GALNT13: variants seen among roughly 807,000 people sequenced by gnomAD.
The protein encoded by GALNT13 is polypeptide N-acetylgalactosaminyltransferase 13.
GALNT13 carries 28 observed loss-of-function variants against 64.2 expected under a neutral mutation model. That is an observed-to-expected ratio of 0.44 (90% CI 0.32 to 0.60). The LOEUF is 0.60. Among genes scored for constraint, GALNT13 ranks in the 20% least tolerant of loss-of-function variants. GALNT13 has a pLI of 0.05. For synonymous variants in GALNT13, 214 were observed against 224.6 expected (o/e 0.95, Z 0.42); for missense variants, 577 against 669.8 (o/e 0.86, Z 1.53).
rs1698196704 is a variant in GALNT13 at position 154,380,108 on chromosome 2, T to C, written c.1157-15883T>C. 2.6e-5 allele frequency among the ~76,000 whole-genome samples: 4 copies of C among 152,074 alleles called. No individual in the cohort carries two copies. The South Asian group carries it at 8.3e-4, about 31-fold the overall frequency. On this transcript the variant is annotated intron_variant, in intron 9 of 12. Transcript: ENST00000392825. The stretch of plus-strand genomic sequence containing the variant: ...AGTTTTTATAACTGAACAAAAGGTA[T>C]TTATCAGGTTTTTGACACGAGTTAA...
chr2:153,816,614 T>A, the GALNT13 span, among the ~76,000 whole-genome samples: 7 of 140,718 alleles, frequency 5.0e-5, no homozygotes, highest in Middle Eastern at 3.3e-3. Context: ...GATGGATAGA[T>A]TAGATAGATA....
At chr2:153,640,300 C>T in the GALNT13 span, among the ~76,000 whole-genome samples, 1 of 152,170 alleles carries the variant, frequency 6.6e-6, no homozygotes, top group Non-Finnish European at 1.5e-5. Flanking sequence ...TAATTGACTA[C>T]TCCAAGTGTG....
the GALNT13 span, among the ~76,000 whole-genome samples, chr2:153,566,589 T>C: frequency 6.6e-6 from 1 of 152,112 alleles, no homozygotes; most frequent in African/African-American, 2.4e-5. Flanking sequence ...CTCCTGACCT[T>C]GTGATCCGCC....
chr2:154,177,844 T>A (rs531345334), intron 4 of GALNT13, among the ~76,000 whole-genome samples: 31 of 152,336 alleles, frequency 2.0e-4, no homozygotes, highest in Non-Finnish European at 4.1e-4. Flanking sequence ...TATTTTTGTG[T>A]AATTCTGCAG....
In GALNT13 at chr2:154,450,820, AAATG is replaced by A; in HGVS notation, c.*270_*273del. 3.0e-6 allele frequency: 1 copy of A among 330,960 alleles called. No homozygotes were observed. The highest frequency in any genetic ancestry group is 4.4e-5 in the Admixed American group (1 of 22,706). 20.5% of individuals were successfully genotyped at this position (330,960 alleles called of 1,614,324 possible). On this transcript the variant is annotated 3_prime_UTR_variant, in exon 13 of 13. Transcript: ENST00000392825. ...AAACAAATTGTGTTTGCTTTAAGAA[AAATG>A]TTTATTGCACTCATGTCATAGGGTT...
At chr2:154,052,760 G>A (rs1251171453) in intron 3 of GALNT13, among the ~76,000 whole-genome samples, 3 of 140,522 alleles carry the variant, frequency 2.1e-5, no homozygotes, top group Non-Finnish European at 4.6e-5. Context: ...TTTTTGAGAC[G>A]GAGTCTCGCT....
chr2:153,437,620 T>C, the GALNT13 span, among the ~76,000 whole-genome samples: 4 of 152,214 alleles, frequency 2.6e-5, no homozygotes, highest in African/African-American at 9.6e-5. Context: ...TGGTTTAAAG[T>C]CTGTTTTATC....
At chr2:154,257,769 C>G (rs1240746703) in intron 7 of GALNT13, 1 of 152,126 alleles carries the variant, frequency 6.6e-6, no homozygotes, top group Non-Finnish European at 1.5e-5. Flanking sequence ...TTTCAATGAA[C>G]AATTCTGTTT....
At chr2:153,913,102 G>GTGCATGCCCTCTA (rs1432838382) in intron 2 of GALNT13, among the ~76,000 whole-genome samples, 2 of 152,156 alleles carry the variant, frequency 1.3e-5, no homozygotes, top group African/African-American at 4.8e-5. Flanking sequence ...GCGCAGGACT[G>GTGCATGCCCTCTA]TGCATGCCCT....
In GALNT13 at chr2:154,134,168, A is replaced by G. The variant is rs571766896; in HGVS notation, c.143-6169A>G. Among the ~76,000 whole-genome samples, 14 of 152,332 alleles carry G rather than the reference A, an allele frequency of 9.2e-5. No individual in the cohort carries two copies. In the South Asian group the frequency reaches 2.5e-3, roughly 27 times the overall value. On this transcript the variant is annotated intron_variant, in intron 3 of 12. Coordinates refer to ENST00000392825, the MANE Select transcript of GALNT13 (RefSeq NM_052917.4). ...AGCTATGTGTCCAAGAGGAACAACA[A>G]CTACATTAGTTCAATAGTTAGAATC...
chr2:154,323,332 T>C lies in GALNT13; in HGVS notation c.1156+21743T>C, dbSNP rs577504717. ...AGGAGTAGCAAAGTATTTGTGTCCA[T>C]CTTTAACCTACCACAGTTTTTCCCC... On this transcript the variant is annotated intron_variant, in intron 9 of 12. Transcript: ENST00000392825. Among the ~76,000 whole-genome samples the C allele has an allele frequency of 1.3e-4, 20 of 152,130 alleles. 1 individual carries two copies. In the South Asian group the frequency reaches 3.9e-3, roughly 30 times the overall value.
chr2:153,670,534 C>T, the GALNT13 span, among the ~76,000 whole-genome samples: 1 of 152,178 alleles, frequency 6.6e-6, no homozygotes, highest in Admixed American at 6.5e-5. Context: ...TACACCAAAA[C>T]CCTATCCATA....
chr2:154,043,403 T>C (rs1443463726), intron 3 of GALNT13, among the ~76,000 whole-genome samples: 1 of 34,782 alleles, frequency 2.9e-5, no homozygotes, highest in African/African-American at 1.3e-4. Flanking sequence ...TCAACACTAC[T>C]ATAAGGACTT....
the GALNT13 span, among the ~76,000 whole-genome samples, chr2:153,743,581 A>G: frequency 6.6e-6 from 1 of 152,122 alleles, no homozygotes; most frequent in African/African-American, 2.4e-5. Flanking sequence ...TATGAGGCAC[A>G]TAAGATGTTT....
chr2:153,497,003 A>G, the GALNT13 span, among the ~76,000 whole-genome samples: 9 of 151,604 alleles, frequency 5.9e-5, no homozygotes, highest in Non-Finnish European at 1.3e-4. Flanking sequence ...CAAAAAAAAA[A>G]AAAAAAAAAA....
chr2:153,832,456 T>G, the GALNT13 span, among the ~76,000 whole-genome samples: 4 of 152,252 alleles, frequency 2.6e-5, no homozygotes, highest in East Asian at 7.7e-4. Flanking sequence ...GAATTAGGTA[T>G]GTAGTTGTAA....
At chr2:154,216,796 C>T (rs1276817792) in intron 4 of GALNT13, among the ~76,000 whole-genome samples, 2 of 141,456 alleles carry the variant, frequency 1.4e-5, no homozygotes, top group African/African-American at 5.3e-5. Context: ...TTTCATTTCT[C>T]TCTCTCTTTT....
chr2:154,373,851 AAC>A (rs1183601814), intron 9 of GALNT13, among the ~76,000 whole-genome samples: 2 of 152,198 alleles, frequency 1.3e-5, no homozygotes, highest in Non-Finnish European at 2.9e-5. Flanking sequence ...TGTGAACAAT[AAC>A]AAAGATACTC....
chr2:154,126,973 C>A (rs1371819178), intron 3 of GALNT13, among the ~76,000 whole-genome samples: 1 of 151,984 alleles, frequency 6.6e-6, no homozygotes, highest in Non-Finnish European at 1.5e-5. Context: ...GGAATAAGAA[C>A]CCATATTTGA....
Sources: gnomAD v4.1 joint callset for allele counts (sites outside exome capture counted in the v4.1 genomes callset) on GRCh38, gnomAD v4.1.1 for gene constraint, MANE v1.5 for transcripts, NCBI Gene and HGNC (gene_info 2026-07-23, HGNC 2026-07-21) for gene names.